Variants in OAS2 observed in about 807,000 individuals in gnomAD.
OAS2 encodes 2'-5'-oligoadenylate synthase 2.
In OAS2, 67 loss-of-function variants were observed where a neutral mutation model predicts 71.3. That is an observed-to-expected ratio of 0.94 (90% confidence interval 0.77 to 1.15). The LOEUF (loss-of-function observed/expected upper bound fraction) is 1.15, where lower values mean the gene tolerates loss of function less well. Ranked by LOEUF, OAS2 falls within the 50% of genes most tolerant of loss-of-function variation. The pLI, the probability that OAS2 is intolerant of heterozygous loss-of-function variation, is 0.00. For missense variants in OAS2, 789 were observed against 822.5 expected, an observed-to-expected ratio of 0.96 and a Z score of 0.50; for synonymous variants, 327 against 321.8, an observed-to-expected ratio of 1.02 and a Z score of -0.17.
At chr12:113,003,772 G>A (rs886834238) in intron 6 of OAS2, among the ~76,000 whole-genome samples, 2 of 152,182 alleles carry the variant, frequency 1.3e-5, no homozygotes, top group East Asian at 3.8e-4. Flanking sequence ...TGTCCCCGTG[G>A]TCACAAGAAG....
intron 1 of OAS2, among the ~76,000 whole-genome samples, chr12:112,984,993 T>C (rs2136377436): frequency 6.6e-6 from 1 of 152,358 alleles, no homozygotes; most frequent in East Asian, 1.9e-4. Context: ...TTCTGACCTG[T>C]AAGTTTTCTG....
intron 8 of OAS2, 65 bp from the exon 9 acceptor site, chr12:113,007,640 C>A (rs2044346083): frequency 1.5e-6 from 2 of 1,326,268 alleles, no homozygotes; most frequent in African/African-American, 2.9e-5. Flanking sequence ...TTGCTGTGGT[C>A]CCTGTGCGGC....
chr12:112,998,390 G>C lies in OAS2; in HGVS notation c.988G>C (p.Ala330Pro), dbSNP rs201583923. ...TCCCAACCTGGATAATGAGTTACCT[G>C]CACCATCTTGGAATGTTCTGGTAAG... ...TSPNLDNELP[A>P]PSWNVLPAPL... is the part of the protein sequence containing the mutation. The change falls in exon 5 of 10, where the codon GCA becomes CCA. Residue 330 changes from alanine to proline, a missense_variant. Physicochemically the swap from Ala to Pro is conservative, Grantham distance 27. Coordinates refer to ENST00000392583, the MANE Select transcript of OAS2 (RefSeq NM_002535.3). 2.2e-5 allele frequency: 35 copies of C among 1,611,280 alleles called. No homozygotes were observed. Among genetic ancestry groups the C allele is most frequent in the Non-Finnish European group, 2.7e-5 (32 of 1,179,390 alleles).
intron 2 of OAS2, chr12:112,988,608 G>A (rs1173979254): frequency 2.0e-6 from 2 of 985,270 alleles, no homozygotes; most frequent in Admixed American, 6.2e-5. Context: ...GGCAGCTTTA[G>A]GCTAAACTTG....
chr12:113,008,814 A>G (rs749394959), intron 9 of OAS2, among the ~76,000 whole-genome samples: 18 of 152,002 alleles, frequency 1.2e-4, no homozygotes, highest in South Asian at 4.2e-4. Context: ...TTTAGTAGAG[A>G]TGGGGTTTCT....
rs772920846 is a variant in OAS2 at position 113,005,098 on chromosome 12, G to A, written c.1344G>A (p.Glu448=). Residue 448 remains glutamate, a synonymous_variant, in exon 7 of 10, where the codon GAG becomes GAA. Transcript: ENST00000392583. ...QLKAFWREKE[E]ELEVSFEPPK... ...AAGCCTTTTGGAGGGAGAAGGAGGAGGAGCTTGAAGTCAGCTTTGAGCCTC... is the reference window on the plus strand; with the variant it reads ...AAGCCTTTTGGAGGGAGAAGGAGGAAGAGCTTGAAGTCAGCTTTGAGCCTC... 2 of 1,614,034 alleles carry A rather than the reference G, an allele frequency of 1.2e-6. No homozygotes were observed. The highest frequency in any genetic ancestry group is 2.2e-5 in the South Asian group (2 of 91,088).
chr12:112,995,453 G>A lies in OAS2; in HGVS notation c.606G>A (p.Leu202=), dbSNP rs142431149. The change falls in exon 3 of 10, where the codon TTG becomes TTA. Residue 202 remains leucine, a synonymous_variant. Transcript: ENST00000392583. ...RPGKLKDLIL[L]IKHWHQQCQK... Reference sequence around the variant, plus strand: ...GAAAACTAAAGGATTTGATCCTCTTGATAAAGCACTGGCATCAACAGGTAA... The same window carrying A: ...GAAAACTAAAGGATTTGATCCTCTTAATAAAGCACTGGCATCAACAGGTAA... 1 of 1,613,652 alleles carries A rather than the reference G, an allele frequency of 6.2e-7. No individual in the cohort carries two copies. Among genetic ancestry groups the A allele is most frequent in the African/African-American group, 1.3e-5 (1 of 74,882 alleles).
At chr12:112,999,415 G>T (rs554699901) in intron 5 of OAS2, among the ~76,000 whole-genome samples, 1 of 152,278 alleles carries the variant, frequency 6.6e-6, no homozygotes, top group South Asian at 2.1e-4. Flanking sequence ...GGCCAAAGAG[G>T]CCAATCAAAT....
Position 113,007,722 on chromosome 12 carries a change from G to A in OAS2, c.1674G>A (p.Lys558=), listed in dbSNP as rs2044346723. The A allele has an allele frequency of 1.2e-6, 2 of 1,613,942 alleles. No homozygotes were observed. Among genetic ancestry groups the A allele is most frequent in the Admixed American group, 3.3e-5 (2 of 60,000 alleles). ...HWYKECERKL[K]PKGSLPPKYA... ...TTACCTAGTGTGAAAGGAAACTGAA[G>A]CCAAAGGGGTCTTTGCCCCCAAAGT... The change falls in exon 9 of 10, where the codon AAG becomes AAA. Residue 558 remains lysine (K), a synonymous_variant. Coordinates refer to ENST00000392583, the MANE Select transcript of OAS2 (RefSeq NM_002535.3).
At chr12:112,998,630 G>A (rs577624378) in intron 5 of OAS2, among the ~76,000 whole-genome samples, 1 of 152,274 alleles carries the variant, frequency 6.6e-6, no homozygotes, top group South Asian at 2.1e-4. Flanking sequence ...CTCTCTGCAG[G>A]CCCTAGGGAA....
rs1010031248 is a variant in OAS2, at chr12:112,978,799, T to C, written c.177+14T>C. On this transcript the variant is annotated intron_variant, in intron 1 of 9. Transcript: ENST00000392583. The surrounding 1 kb of genome is among the most constrained non-coding windows in gnomAD (Gnocchi z 4.2). ...GGAGTGGCCATAGTGAGTCCAGGGC[T>C]GAGGTTGGGTCTCTGGGAGGCAGGA... 2 of 1,594,478 alleles carry C rather than the reference T, an allele frequency of 1.3e-6. No homozygotes were observed. The highest frequency in any genetic ancestry group is 1.3e-5 in the African/African-American group (1 of 74,238).
At chr12:113,001,758 G>A (rs2044292331) in intron 5 of OAS2, among the ~76,000 whole-genome samples, 1 of 150,586 alleles carries the variant, frequency 6.6e-6, no homozygotes. Flanking sequence ...AAGCACAGTG[G>A]CTCACGCCTG....
chr12:113,009,698 C>G lies in OAS2; in HGVS notation c.*443C>G. 4.0e-6 allele frequency: 4 copies of G among 988,058 alleles called. No individual in the cohort carries two copies. The highest frequency in any genetic ancestry group is 4.8e-6 in the Non-Finnish European group (4 of 831,886). 61.2% of individuals were successfully genotyped at this position (988,058 alleles called of 1,614,324 possible). A position where few individuals can be genotyped will look rare whatever the true frequency, so the allele number is the denominator to read the frequency against. On this transcript the variant is annotated 3_prime_UTR_variant, in exon 10 of 10. Transcript: ENST00000392583. The stretch of plus-strand genomic sequence containing the variant: ...GGAAAAGATACCCAAAGGTCAAGAA[C>G]ACAGTGATTTTATTAGAAGTTTCAT...
In OAS2 at chr12:112,997,655, A is replaced by T; in HGVS notation, c.763A>T (p.Ile255Phe). Residue 255 changes from isoleucine (I) to phenylalanine (F), a missense_variant, in exon 4 of 10, where the codon ATC (isoleucine) becomes TTC (phenylalanine). Transcript: ENST00000392583. ...AEGVRTVLEL[I>F]KCQEKLCIYW... ...AGGCGTCAGAACCGTACTGGAGCTG[A>T]TCAAATGCCAGGAGAAGCTGTGTAT... 2 of 1,614,118 alleles carry T rather than the reference A, an allele frequency of 1.2e-6. No homozygotes were observed. The highest frequency in any genetic ancestry group is 1.3e-5 in the African/African-American group (1 of 75,038).
chr12:112,998,224 A>G, intron 4 of OAS2, 42 bp from the exon 5 acceptor site: 2 of 1,593,558 alleles, frequency 1.3e-6, no homozygotes, highest in Non-Finnish European at 8.5e-7. Flanking sequence ...TGCCTCCCAC[A>G]AGCAGCTCAA....
chr12:112,997,548 C>T lies in OAS2; in HGVS notation c.656C>T (p.Ser219Leu), dbSNP rs140260803. ...CAGAAAAAAATCAAGGATTTACCCTCGCTGTCTCCGTATGCCCTGGAGCTG... is the reference window on the plus strand; with the variant it reads ...CAGAAAAAAATCAAGGATTTACCCTTGCTGTCTCCGTATGCCCTGGAGCTG... The part of the protein sequence containing the change: ...QCQKKIKDLP[S>L]LSPYALELLT... Residue 219 changes from serine to leucine, a missense_variant, in exon 4 of 10, where the codon TCG becomes TTG. Coordinates refer to ENST00000392583, the MANE Select transcript of OAS2 (RefSeq NM_002535.3). 3.2e-5 allele frequency: 52 copies of T among 1,613,900 alleles called. No individual in the cohort carries two copies. The highest frequency in any genetic ancestry group is 3.7e-5 in the Non-Finnish European group (44 of 1,179,950).
chr12:112,980,972 T>C (rs2044076073), intron 1 of OAS2, among the ~76,000 whole-genome samples: 1 of 152,174 alleles, frequency 6.6e-6, no homozygotes, highest in Admixed American at 6.5e-5. Flanking sequence ...ATTAGTGATG[T>C]CAAGCATTTT....
chr12:112,988,531 A>G (rs906998860), intron 2 of OAS2: 1 of 814,396 alleles, frequency 1.2e-6, no homozygotes, highest in Admixed American at 6.2e-5. Flanking sequence ...GTCTGTTTAC[A>G]CATCCTTTTA....
chr12:113,006,234 AT>A (rs2044334003), intron 7 of OAS2, among the ~76,000 whole-genome samples, 178 bp from the exon 8 acceptor site: 1 of 152,166 alleles, frequency 6.6e-6, no homozygotes, highest in Admixed American at 6.5e-5. Context: ...AGACCACATA[AT>A]TTTTACATAT....
Sources: gnomAD v4.1 joint callset for allele counts (sites outside exome capture counted in the v4.1 genomes callset) on GRCh38, gnomAD v4.1.1 for gene constraint, Gnocchi (gnomAD v3.1) non-coding constraint, MANE v1.5 for transcripts, NCBI Gene and HGNC (gene_info 2026-07-23, HGNC 2026-07-21) for gene names.